Variants in TRIM34 observed in about 807,000 individuals in gnomAD.
The protein encoded by TRIM34 is tripartite motif containing 34, also known as E3 ubiquitin-protein ligase TRIM34.
Under a neutral mutation model 38.1 loss-of-function variants are expected in TRIM34, and 41 were observed. The ratio of observed to expected loss-of-function variants is 1.08; its 90% CI spans 0.84 to 1.40. The LOEUF is 1.40. Among genes scored for constraint, TRIM34 ranks in the 40% most tolerant of loss-of-function variants. The pLI is 0.00. For missense variants in TRIM34, 556 were observed against 571.4 expected, an observed-to-expected ratio of 0.97 and a Z score of 0.27; for synonymous variants, 200 against 202.5, an observed-to-expected ratio of 0.99 and a Z score of 0.10.
At position 5,634,877 on chromosome 11, in the gene TRIM34, C is replaced by T; in HGVS notation, c.750+16C>T. 1 of 1,607,254 alleles carries T rather than the reference C, an allele frequency of 6.2e-7. No homozygotes were observed. The highest frequency in any genetic ancestry group is 1.3e-5 in the African/African-American group (1 of 74,874). On this transcript the variant is annotated intron_variant, in intron 4 of 7. Coordinates refer to ENST00000429814, the MANE Select transcript of TRIM34 (RefSeq NM_021616.6). ...GCTGCTGCAGGTAAGAAGGTTCGCT[C>T]AATCTGAGATTCTGGGAACACAGTT...
At chr11:5,624,969 G>C (rs571209048), upstream of TRIM34, 1 of 152,292 alleles carries the variant, frequency 6.6e-6, no homozygotes, top group South Asian at 2.1e-4. Flanking sequence ...TTCACACAGA[G>C]GAACCTCATT....
At position 5,633,852 on chromosome 11, in the gene TRIM34, G is replaced by A; in HGVS notation, c.472G>A (p.Ala158Thr). ...LKRLKKEEEE[A>T]EKLEADIREE... Reference sequence around the variant, plus strand: ...GAGGCTGAAGAAGGAAGAGGAGGAAGCTGAGAAGCTGGAAGCTGACATCAG... The same window carrying A: ...GAGGCTGAAGAAGGAAGAGGAGGAAACTGAGAAGCTGGAAGCTGACATCAG... The change falls in exon 3 of 8, where the codon GCT becomes ACT. Residue 158 changes from alanine to threonine, a missense_variant. Transcript: ENST00000429814. 2 of 1,614,120 alleles carry A rather than the reference G, an allele frequency of 1.2e-6. No individual in the cohort carries two copies. The highest frequency in any genetic ancestry group is 1.7e-6 in the Non-Finnish European group (2 of 1,179,982).
intron 4 of TRIM34, among the ~76,000 whole-genome samples, chr11:5,637,483 G>C (rs757936313): frequency 1.3e-5 from 2 of 152,182 alleles, no homozygotes; most frequent in Non-Finnish European, 2.9e-5. Context: ...AATGCTTTCT[G>C]TAATAGTTTT....
upstream of TRIM34, among the ~76,000 whole-genome samples, chr11:5,620,461 A>G (rs922968830): frequency 3.3e-5 from 5 of 151,896 alleles, no homozygotes; most frequent in South Asian, 2.1e-4. Context: ...TCAGCCTCCT[A>G]TAGTGCTGGG....
rs773891933 is a variant in TRIM34 at position 5,643,446 on chromosome 11, T to C, written c.1204T>C (p.Leu402=). 7.9e-5 allele frequency: 127 copies of C among 1,614,024 alleles called. No homozygotes were observed. Among genetic ancestry groups the C allele is most frequent in the Non-Finnish European group, 1.0e-4 (123 of 1,180,020 alleles). ...RPLFGYWVIG[L]QNKCKYGVFE... is the part of the protein sequence containing the mutation. ...TCTATTTGGCTACTGGGTTATAGGG[T>C]TACAGAATAAATGTAAGTATGGTGT... The change falls in exon 8 of 8, where the codon TTA becomes CTA. Residue 402 remains leucine, a synonymous_variant. Transcript: ENST00000429814.
upstream of TRIM34, among the ~76,000 whole-genome samples, chr11:5,624,473 C>T (rs1849116370): frequency 1.3e-5 from 2 of 152,136 alleles, no homozygotes; most frequent in East Asian, 1.9e-4. Flanking sequence ...ACAAGTGGAT[C>T]GTTGGAGCTG....
chr11:5,620,428 C>G (rs1485176711), upstream of TRIM34, among the ~76,000 whole-genome samples: 1 of 151,434 alleles, frequency 6.6e-6, no homozygotes, highest in African/African-American at 2.4e-5. Flanking sequence ...GACTCTAACT[C>G]CTGAACTCGT....
At chr11:5,640,008 TTTTAAATGC>T (rs1227806135) in intron 4 of TRIM34, among the ~76,000 whole-genome samples, 1 of 152,248 alleles carries the variant, frequency 6.6e-6, no homozygotes, top group Non-Finnish European at 1.5e-5. Flanking sequence ...ATTTTAATTA[TTTTAAATGC>T]ATAATAAATT....
chr11:5,634,530 C>CACACATATATATATATAT (rs1491498839), intron 3 of TRIM34, 101 bp from the exon 4 acceptor site: 37 of 203,908 alleles, frequency 1.8e-4, no homozygotes, highest in African/African-American at 1.3e-3. Context: ...CACACACACA[C>CACACATATATATATATAT]ATATATATAT....
chr11:5,639,827 T>A (rs1849926741), intron 4 of TRIM34, among the ~76,000 whole-genome samples: 1 of 152,084 alleles, frequency 6.6e-6, no homozygotes, highest in Non-Finnish European at 1.5e-5. Flanking sequence ...AGAAGCTTTT[T>A]TAAAAATTAG....
chr11:5,621,110 T>C (rs1848979636), upstream of TRIM34, among the ~76,000 whole-genome samples: 1 of 152,222 alleles, frequency 6.6e-6, no homozygotes, highest in Admixed American at 6.5e-5. Flanking sequence ...CTGGAGGAAA[T>C]TCACTTCTAT....
intron 4 of TRIM34, among the ~76,000 whole-genome samples, chr11:5,636,868 G>T (rs1040933241): frequency 1.3e-5 from 2 of 152,060 alleles, no homozygotes; most frequent in African/African-American, 2.4e-5. Flanking sequence ...ATCTGTTGGC[G>T]GGGCGCGGTG....
At chr11:5,630,900 G>T (rs149702346) in intron 1 of TRIM34, among the ~76,000 whole-genome samples, 1 of 151,996 alleles carries the variant, frequency 6.6e-6, no homozygotes, top group Non-Finnish European at 1.5e-5. Flanking sequence ...TTTTAATCAC[G>T]GAAGATAATA....
intron 4 of TRIM34, among the ~76,000 whole-genome samples, chr11:5,640,935 A>C (rs1030784108): frequency 1.0e-4 from 2 of 19,906 alleles, no homozygotes; most frequent in Non-Finnish European, 3.8e-4. Context: ...GTTGGCATAC[A>C]GTTGCTCATT....
Position 5,632,299 on chromosome 11 carries a change from G to T in TRIM34, c.-33G>T, listed in dbSNP as rs774771842. ...CAGAAGAGAGAGGAGAGCCTCAGGA[G>T]TTAGGACCAGAAGAAGCCAGGGAAG... On this transcript the variant is annotated 5_prime_UTR_variant, in exon 2 of 8. Coordinates refer to ENST00000429814, the MANE Select transcript of TRIM34 (RefSeq NM_021616.6). The T allele has an allele frequency of 4.3e-6, 7 of 1,613,768 alleles. No individual in the cohort carries two copies. Among genetic ancestry groups the T allele is most frequent in the East Asian group, 4.5e-5 (2 of 44,890 alleles).
upstream of TRIM34, among the ~76,000 whole-genome samples, chr11:5,621,525 A>G (rs998660009): frequency 2.0e-5 from 3 of 152,240 alleles, no homozygotes; most frequent in African/African-American, 4.8e-5. Flanking sequence ...CCAGAAGCAC[A>G]GCTCAGCTGA....
In TRIM34 at chr11:5,633,663, T is replaced by C. The variant is rs867339205; in HGVS notation, c.424-141T>C. 25 of 732,972 alleles carry C rather than the reference T, an allele frequency of 3.4e-5. No individual in the cohort carries two copies. The Middle Eastern group carries it at 2.4e-3, about 71-fold the overall frequency. 45.4% of individuals were successfully genotyped at this position (732,972 alleles called of 1,614,324 possible). On this transcript the variant is annotated intron_variant, in intron 2 of 7. Transcript: ENST00000429814. ...ATTCATCTCCTCAAAATTTTCCCCA[T>C]GTCATAGATTCTAATCACCAGCTTC...
intron 1 of TRIM34, among the ~76,000 whole-genome samples, chr11:5,625,840 C>G (rs538245867): frequency 1.3e-5 from 2 of 152,350 alleles, no homozygotes; most frequent in South Asian, 4.1e-4. Context: ...CTTAGACACA[C>G]CTTGGCATTG....
At chr11:5,635,708 G>T (rs573748111) in intron 4 of TRIM34, among the ~76,000 whole-genome samples, 18 of 152,240 alleles carry the variant, frequency 1.2e-4, no homozygotes, top group Non-Finnish European at 1.5e-4. Flanking sequence ...GAGAGTAACT[G>T]ATTTTCATTT....
Sources: gnomAD v4.1 joint callset for allele counts (sites outside exome capture counted in the v4.1 genomes callset) on GRCh38, gnomAD v4.1.1 for gene constraint, MANE v1.5 for transcripts, NCBI Gene and HGNC (gene_info 2026-07-23, HGNC 2026-07-21) for gene names.